NAPB: variants seen among roughly 807,000 people sequenced by gnomAD.
NAPB encodes NSF attachment protein beta.
Under a neutral mutation model 44.7 loss-of-function variants are expected in NAPB, and 26 were observed. That is an observed-to-expected ratio of 0.58 (90% CI 0.43 to 0.81). The LOEUF is 0.81. NAPB is among the 30% of genes least tolerant of loss of function. The pLI is 0.00. For missense variants in NAPB, 315 were observed against 356.4 expected (o/e 0.88, Z 0.94); for synonymous variants, 120 against 116.8 (o/e 1.03, Z -0.18).
At chr20:23,401,711 T>A (rs184047374) in intron 2 of NAPB, among the ~76,000 whole-genome samples, 54 of 152,238 alleles carry the variant, frequency 3.5e-4, no homozygotes, top group Non-Finnish European at 6.3e-4. Flanking sequence ...TGAAACCCCG[T>A]CTCTACTAAA....
At chr20:23,403,378 G>A (rs6137934) in intron 1 of NAPB, among the ~76,000 whole-genome samples, 7 of 151,914 alleles carry the variant, frequency 4.6e-5, no homozygotes, top group African/African-American at 9.7e-5. Flanking sequence ...CAAGGCGGGC[G>A]GATCACCTGA....
chr20:23,396,836 T>A (rs1205117224), intron 3 of NAPB: 2 of 292,794 alleles, frequency 6.8e-6, no homozygotes, highest in African/African-American at 4.4e-5. Context: ...TTTAATTAAA[T>A]GATGCTATAA....
chr20:23,416,391 T>C (rs879621526), intron 1 of NAPB, among the ~76,000 whole-genome samples: 1 of 152,178 alleles, frequency 6.6e-6, no homozygotes, highest in Non-Finnish European at 1.5e-5. Flanking sequence ...TATAGCTCTG[T>C]GCAACTGAAT....
At chr20:23,419,672 G>A (rs893472503) in intron 1 of NAPB, among the ~76,000 whole-genome samples, 3 of 152,194 alleles carry the variant, frequency 2.0e-5, no homozygotes, top group Non-Finnish European at 2.9e-5. Context: ...TTAGTGTGGC[G>A]CTAGCACTTG....
chr20:23,413,947 G>A (rs1469245116), intron 1 of NAPB, among the ~76,000 whole-genome samples: 1 of 151,652 alleles, frequency 6.6e-6, no homozygotes, highest in Non-Finnish European at 1.5e-5. Context: ...GGAGGCACCT[G>A]TAACAGCAAT....
At chr20:23,420,629 G>C (rs1986331551) in intron 1 of NAPB, among the ~76,000 whole-genome samples, 1 of 152,114 alleles carries the variant, frequency 6.6e-6, no homozygotes, top group South Asian at 2.1e-4. Context: ...GCTTCAGCGT[G>C]GCGAAATGCA....
At chr20:23,413,809 G>A (rs1985816514) in intron 1 of NAPB, among the ~76,000 whole-genome samples, 1 of 150,516 alleles carries the variant, frequency 6.6e-6, no homozygotes, top group African/African-American at 2.4e-5. Flanking sequence ...AAACTCCAGA[G>A]ACAAAAACAA....
At chr20:23,405,384 C>T (rs1359483192) in intron 1 of NAPB, among the ~76,000 whole-genome samples, 3 of 152,090 alleles carry the variant, frequency 2.0e-5, no homozygotes, top group African/African-American at 7.2e-5. Flanking sequence ...CGCATATCCA[C>T]ACAAAAACTT....
intron 1 of NAPB, among the ~76,000 whole-genome samples, chr20:23,418,108 A>C (rs1448045662): frequency 1.3e-5 from 2 of 152,194 alleles, no homozygotes; most frequent in Non-Finnish European, 2.9e-5. Context: ...GCAGCTTTTA[A>C]TGACTGCCAC....
intron 5 of NAPB, among the ~76,000 whole-genome samples, 191 bp downstream of exon 5, chr20:23,394,731 T>C (rs575662223): frequency 1.2e-4 from 19 of 152,180 alleles, no homozygotes; most frequent in African/African-American, 4.3e-4. Flanking sequence ...TCAGCTCTCA[T>C]GTCTTAGATG....
intron 7 of NAPB, among the ~76,000 whole-genome samples, chr20:23,387,032 T>C (rs1329524180): frequency 4.6e-5 from 7 of 152,102 alleles, no homozygotes; most frequent in Non-Finnish European, 8.8e-5. Flanking sequence ...ACAAAAACCA[T>C]ACGCTTATCT....
intron 1 of NAPB, among the ~76,000 whole-genome samples, chr20:23,404,470 CATACAGCA>C (rs1985093851): frequency 6.6e-6 from 1 of 152,196 alleles, no homozygotes; most frequent in Admixed American, 6.5e-5. Context: ...AGAGGCTGGG[CATACAGCA>C]AGGCTCAGGT....
At chr20:23,421,266 GACCCC>G in intron 1 of NAPB, 34 bp downstream of exon 1, 1 of 1,239,454 alleles carries the variant, frequency 8.1e-7, no homozygotes, top group African/African-American at 3.5e-5. Flanking sequence ...CAAGTACGGA[GACCCC>G]CCCCCCCCAG....
chr20:23,381,876 A>G (rs1983029962), intron 7 of NAPB, among the ~76,000 whole-genome samples: 1 of 152,196 alleles, frequency 6.6e-6, no homozygotes. Context: ...AACTCCATTT[A>G]CATCATCAAA....
chr20:23,374,995 C>A lies in NAPB; in HGVS notation c.*2381G>T, dbSNP rs1482425671. 1 of 152,272 alleles carries A rather than the reference C, an allele frequency of 6.6e-6. No homozygotes were observed. Among genetic ancestry groups the A allele is most frequent in the South Asian group, 2.1e-4 (1 of 4,826 alleles). The allele number at this position is 152,272 out of a possible 1,614,324, so 9.4% of individuals were successfully genotyped here. On this transcript the variant is annotated 3_prime_UTR_variant, in exon 11 of 11. Coordinates refer to ENST00000377026, the MANE Select transcript of NAPB (RefSeq NM_022080.3). ...TTATATTTTGTTCATAAGTAACATT[C>A]TATAAATCTTGAAGACCTAGCTCAC... is the stretch of plus-strand genomic sequence containing the variant.
intron 5 of NAPB, among the ~76,000 whole-genome samples, chr20:23,393,864 A>C (rs1416156479): frequency 6.6e-6 from 1 of 152,226 alleles, no homozygotes; most frequent in Non-Finnish European, 1.5e-5. Context: ...AGCCACGTGG[A>C]CATCTGGGGA....
chr20:23,388,981 A>G (rs1465343177), intron 7 of NAPB, among the ~76,000 whole-genome samples: 1 of 152,182 alleles, frequency 6.6e-6, no homozygotes, highest in African/African-American at 2.4e-5. Flanking sequence ...GAATGAGAGT[A>G]AATACTTGCA....
chr20:23,405,107 A>C (rs1985140340), intron 1 of NAPB, among the ~76,000 whole-genome samples: 1 of 151,708 alleles, frequency 6.6e-6, no homozygotes, highest in Non-Finnish European at 1.5e-5. Flanking sequence ...GTTCAAGACC[A>C]GCCTGGACAA....
At chr20:23,417,050 A>G (rs2123271253) in intron 1 of NAPB, among the ~76,000 whole-genome samples, 1 of 151,732 alleles carries the variant, frequency 6.6e-6, no homozygotes, top group South Asian at 2.1e-4. Context: ...GGAAGACAGC[A>G]TTAACCATAA....
Sources: gnomAD v4.1 joint callset for allele counts (sites outside exome capture counted in the v4.1 genomes callset) on GRCh38, gnomAD v4.1.1 for gene constraint, MANE v1.5 for transcripts, NCBI Gene and HGNC (gene_info 2026-07-23, HGNC 2026-07-21) for gene names.